Variants in RANBP2 observed in about 807,000 individuals in gnomAD.
RANBP2 encodes the protein E3 SUMO-protein ligase RanBP2.
Under a neutral mutation model 303.6 loss-of-function variants are expected in RANBP2, and 57 were observed. The ratio of observed to expected loss-of-function variants is 0.19; its 90% confidence interval spans 0.15 to 0.23. The LOEUF is 0.23. Ranked by LOEUF, RANBP2 falls within the 10% of genes least tolerant of loss-of-function variation. The pLI is 1.00. For missense variants in RANBP2, 3,138 were observed against 3,780.8 expected, an observed-to-expected ratio of 0.83 and a Z score of 4.46; for synonymous variants, 1,167 against 1,301.5, an observed-to-expected ratio of 0.90 and a Z score of 2.23.
chr2:109,493,034 ACACATACCC>A, the RANBP2 span, among the ~76,000 whole-genome samples: 1 of 151,820 alleles, frequency 6.6e-6, no homozygotes, highest in African/African-American at 2.4e-5. Flanking sequence ...CACCATACAA[ACACATACCC>A]CACATACATC....
chr2:109,596,333 A>C, the RANBP2 span, among the ~76,000 whole-genome samples: 26,012 of 152,170 alleles, frequency 0.17, 2,538 homozygotes, highest in African/African-American at 0.27. Context: ...TAGAGGCTTT[A>C]GGCCAGGCAT....
chr2:109,027,261 A>AAC, the RANBP2 span, among the ~76,000 whole-genome samples: 2 of 151,322 alleles, frequency 1.3e-5, no homozygotes, highest in Admixed American at 1.3e-4. Context: ...AAAAAAAAAA[A>AAC]AAACAAGGAC....
the RANBP2 span, among the ~76,000 whole-genome samples, chr2:109,117,997 C>T: frequency 6.6e-6 from 1 of 152,190 alleles, no homozygotes; most frequent in Non-Finnish European, 1.5e-5. Context: ...CTGGCTCACT[C>T]TCCAGGGTTG....
chr2:109,469,549 A>G, the RANBP2 span, among the ~76,000 whole-genome samples: 1 of 152,030 alleles, frequency 6.6e-6, no homozygotes, highest in African/African-American at 2.4e-5. Context: ...TGCCTAGAAA[A>G]TAACAGTTAA....
the RANBP2 span, among the ~76,000 whole-genome samples, chr2:109,151,198 CAG>C: frequency 6.6e-6 from 1 of 152,194 alleles, no homozygotes; most frequent in African/African-American, 2.4e-5. Context: ...AATATGTGTC[CAG>C]TGGCCCAGGA....
chr2:109,773,025 C>T, the RANBP2 span, among the ~76,000 whole-genome samples: 1 of 152,210 alleles, frequency 6.6e-6, no homozygotes, highest in East Asian at 1.9e-4. Flanking sequence ...CATGTAAATG[C>T]CCTTGGACCA....
At chr2:108,973,189 T>A in the RANBP2 span, among the ~76,000 whole-genome samples, 1 of 152,238 alleles carries the variant, frequency 6.6e-6, no homozygotes, top group Admixed American at 6.5e-5. Context: ...GGTTTCACCA[T>A]GTTGGCCAGG....
the RANBP2 span, among the ~76,000 whole-genome samples, chr2:108,905,113 G>T: frequency 1.3e-5 from 2 of 152,182 alleles, no homozygotes; most frequent in Non-Finnish European, 2.9e-5. Context: ...TTACATCAGG[G>T]TGTTTGGGCA....
the RANBP2 span, among the ~76,000 whole-genome samples, chr2:109,434,407 A>G: frequency 3.9e-5 from 6 of 152,310 alleles, no homozygotes; most frequent in South Asian, 2.1e-4. Context: ...GAACTTCCGC[A>G]GACCTTCAGA....
the RANBP2 span, among the ~76,000 whole-genome samples, chr2:109,709,797 T>C: frequency 6.6e-6 from 1 of 152,194 alleles, no homozygotes; most frequent in African/African-American, 2.4e-5. Flanking sequence ...ATTTTAAAAG[T>C]GATTTACTCG....
At chr2:109,731,907 G>T in the RANBP2 span, among the ~76,000 whole-genome samples, 1 of 151,740 alleles carries the variant, frequency 6.6e-6, no homozygotes, top group Non-Finnish European at 1.5e-5. Flanking sequence ...GAGTGCAGTG[G>T]CACCATCATG....
At chr2:109,508,136 C>T in the RANBP2 span, among the ~76,000 whole-genome samples, 1 of 152,168 alleles carries the variant, frequency 6.6e-6, no homozygotes, top group African/African-American at 2.4e-5. Context: ...TGCCATCTGA[C>T]ACCTTCCCCA....
At chr2:109,536,752 C>T in the RANBP2 span, among the ~76,000 whole-genome samples, 8 of 152,064 alleles carry the variant, frequency 5.3e-5, no homozygotes, top group East Asian at 9.6e-4. Flanking sequence ...TGAATTCCTA[C>T]GTATTGTGGG....
At chr2:109,565,221 A>T in the RANBP2 span, among the ~76,000 whole-genome samples, 1 of 152,162 alleles carries the variant, frequency 6.6e-6, no homozygotes, top group African/African-American at 2.4e-5. Context: ...TAAGAAAAAA[A>T]ATCAGCATTT....
chr2:109,128,575 C>G, the RANBP2 span: 2 of 152,914 alleles, frequency 1.3e-5, no homozygotes, highest in Non-Finnish European at 2.9e-5. Flanking sequence ...ACACCTACAC[C>G]GGAACGAAGC....
the RANBP2 span, among the ~76,000 whole-genome samples, chr2:108,809,812 G>A: frequency 6.6e-6 from 1 of 151,914 alleles, no homozygotes; most frequent in Non-Finnish European, 1.5e-5. Flanking sequence ...TTGTTTGTTT[G>A]TTTGTTTGTT....
chr2:109,012,893 G>T, the RANBP2 span, among the ~76,000 whole-genome samples: 7 of 152,154 alleles, frequency 4.6e-5, no homozygotes, highest in Admixed American at 2.6e-4. Context: ...CAGCCTGGGC[G>T]ACAGAGCGAG....
intron 7 of RANBP2, among the ~76,000 whole-genome samples, chr2:108,743,781 G>A (rs1244774720): frequency 6.6e-6 from 1 of 151,998 alleles, no homozygotes; most frequent in Non-Finnish European, 1.5e-5. Flanking sequence ...CAGATGCCTT[G>A]CTTTTCTAAA....
the RANBP2 span, chr2:109,615,932 C>T: frequency 1.2e-6 from 2 of 1,605,032 alleles, no homozygotes; most frequent in Admixed American, 1.7e-5. Context: ...GAACCCAGAT[C>T]GTCCACACCA....
Sources: gnomAD v4.1 joint callset for allele counts (sites outside exome capture counted in the v4.1 genomes callset) on GRCh38, gnomAD v4.1.1 for gene constraint, MANE v1.5 for transcripts, NCBI Gene and HGNC (gene_info 2026-07-23, HGNC 2026-07-21) for gene names.